PLPPR1: variants seen among roughly 807,000 people sequenced by gnomAD.
PLPPR1 encodes phospholipid phosphatase related 1.
Under a neutral mutation model 33.1 loss-of-function variants are expected in PLPPR1, and 10 were observed. That is an observed-to-expected ratio of 0.30 (90% CI 0.19 to 0.51). PLPPR1 has a LOEUF of 0.51. Ranked by LOEUF, PLPPR1 falls within the 20% of genes least tolerant of loss-of-function variation. PLPPR1 has a pLI of 0.97. For missense variants in PLPPR1, 304 were observed against 408.1 expected, an observed-to-expected ratio of 0.74 and a Z score of 2.20; for synonymous variants, 151 against 151.0, an observed-to-expected ratio of 1.00 and a Z score of 0.00.
intron 1 of PLPPR1, among the ~76,000 whole-genome samples, chr9:101,133,619 C>G (rs1199542374): frequency 6.6e-6 from 1 of 152,112 alleles, no homozygotes; most frequent in African/African-American, 2.4e-5. Context: ...TAGTGTATTG[C>G]CTGGCATCAA....
In PLPPR1 at chr9:101,097,477, T is replaced by A. The variant is rs1016343077; in HGVS notation, c.-46+68375T>A. Among the ~76,000 whole-genome samples the A allele has an allele frequency of 2.6e-5, 4 of 152,200 alleles. No individual in the cohort carries two copies. The South Asian group carries it at 8.3e-4, about 31-fold the overall frequency. On this transcript the variant is annotated intron_variant, in intron 1 of 7. Transcript: ENST00000374874. ...AGAATATAAGTGAACCTGTGTTACA[T>A]CTCAATACCTCTGTCAAACATGTGA... is the stretch of plus-strand genomic sequence containing the variant.
intron 2 of PLPPR1, among the ~76,000 whole-genome samples, chr9:101,221,715 A>G (rs1358897587): frequency 6.6e-6 from 1 of 152,224 alleles, no homozygotes; most frequent in African/African-American, 2.4e-5. Flanking sequence ...AGGAAGCAGT[A>G]CACAGGTTTG....
chr9:101,205,068 T>A (rs954891688), intron 2 of PLPPR1, among the ~76,000 whole-genome samples: 10 of 152,284 alleles, frequency 6.6e-5, no homozygotes, highest in African/African-American at 2.4e-4. Context: ...AATGGAGTCA[T>A]TACTGCTCAC....
At chr9:101,140,255 G>T (rs772089912) in intron 1 of PLPPR1, among the ~76,000 whole-genome samples, 5 of 152,134 alleles carry the variant, frequency 3.3e-5, no homozygotes, top group Non-Finnish European at 7.4e-5. Context: ...AAAATAAGGT[G>T]AATAAGTAGA....
At chr9:101,201,536 C>G (rs1826492244) in intron 2 of PLPPR1, among the ~76,000 whole-genome samples, 1 of 152,056 alleles carries the variant, frequency 6.6e-6, no homozygotes, top group Non-Finnish European at 1.5e-5. Context: ...AGGTTACTGA[C>G]CATCTCGGAC....
At chr9:101,313,039 G>T in intron 6 of PLPPR1, 65 bp downstream of exon 6, 1 of 1,473,262 alleles carries the variant, frequency 6.8e-7, no homozygotes, top group Non-Finnish European at 9.5e-7. Flanking sequence ...TGTGAGTCAG[G>T]TTTCCCAGAC....
rs186675428 is a variant in PLPPR1 at position 101,140,440 on chromosome 9, T to C, written c.-45-45010T>C. 8.7e-4 allele frequency among the ~76,000 whole-genome samples: 132 copies of C among 152,274 alleles called. 2 individuals carry two copies. The highest frequency in any genetic ancestry group is 8.5e-3 in the Admixed American group (130 of 15,276). On this transcript the variant is annotated intron_variant, in intron 1 of 7. Coordinates refer to ENST00000374874, the MANE Select transcript of PLPPR1 (RefSeq NM_207299.2). ...GAAATCGTTAGGGTGGAAATCGGTA[T>C]GCAAAATGTTCTTCATATCTTTACA...
At chr9:101,235,232 T>A (rs1827275827) in intron 2 of PLPPR1, among the ~76,000 whole-genome samples, 1 of 151,848 alleles carries the variant, frequency 6.6e-6, no homozygotes, top group South Asian at 2.1e-4. Flanking sequence ...CTTTCATGAT[T>A]GTTTGACTTT....
intron 3 of PLPPR1, among the ~76,000 whole-genome samples, chr9:101,277,138 AC>A (rs1828211534): frequency 6.6e-6 from 1 of 152,142 alleles, no homozygotes; most frequent in African/African-American, 2.4e-5. Flanking sequence ...TAAAACAAAA[AC>A]CATTTCTGCC....
chr9:101,172,937 T>G (rs2118693317), intron 1 of PLPPR1, among the ~76,000 whole-genome samples: 1 of 152,156 alleles, frequency 6.6e-6, no homozygotes, highest in Non-Finnish European at 1.5e-5. Flanking sequence ...CTCATTTATT[T>G]TTGTCTGTAT....
chr9:101,079,534 T>A (rs549165344), intron 1 of PLPPR1, among the ~76,000 whole-genome samples: 4 of 152,162 alleles, frequency 2.6e-5, no homozygotes, highest in Non-Finnish European at 5.9e-5. Context: ...ACTCACTATT[T>A]CCTTCACATC....
chr9:101,096,760 T>C (rs1258712138), intron 1 of PLPPR1, among the ~76,000 whole-genome samples: 2 of 152,084 alleles, frequency 1.3e-5, no homozygotes, highest in African/African-American at 4.8e-5. Context: ...GCCATCTAAG[T>C]GAATATGGTT....
intron 1 of PLPPR1, among the ~76,000 whole-genome samples, chr9:101,128,640 T>G (rs1309230610): frequency 6.6e-6 from 1 of 152,192 alleles, no homozygotes; most frequent in East Asian, 1.9e-4. Context: ...CTGAGTTATC[T>G]CTCCAAATAC....
chr9:101,209,535 T>A (rs1826651837), intron 2 of PLPPR1, among the ~76,000 whole-genome samples: 1 of 152,228 alleles, frequency 6.6e-6, no homozygotes, highest in South Asian at 2.1e-4. Context: ...TTCTTCCCTT[T>A]ATAAAGCCCC....
intron 2 of PLPPR1, among the ~76,000 whole-genome samples, chr9:101,232,432 G>A (rs1020067889): frequency 6.6e-5 from 10 of 151,514 alleles, no homozygotes; most frequent in Non-Finnish European, 1.3e-4. Context: ...TTCTGTTTGG[G>A]GAGCTTTTTT....
At chr9:101,243,260 C>T (rs1255753658) in intron 2 of PLPPR1, among the ~76,000 whole-genome samples, 1 of 151,764 alleles carries the variant, frequency 6.6e-6, no homozygotes, top group Non-Finnish European at 1.5e-5. Flanking sequence ...TTTTTATCCT[C>T]TAGAAAAAGG....
intron 2 of PLPPR1, among the ~76,000 whole-genome samples, chr9:101,233,894 A>G (rs999652649): frequency 3.9e-5 from 6 of 151,992 alleles, no homozygotes; most frequent in Non-Finnish European, 8.8e-5. Flanking sequence ...ACATGGTTTG[A>G]AAATAATTTT....
chr9:101,292,044 A>G (rs1828519890), intron 4 of PLPPR1, among the ~76,000 whole-genome samples: 1 of 152,214 alleles, frequency 6.6e-6, no homozygotes, highest in Non-Finnish European at 1.5e-5. Flanking sequence ...AAACTTTGAA[A>G]AAAATGTAGA....
At chr9:101,037,854 G>GT (rs34419550) in intron 1 of PLPPR1, among the ~76,000 whole-genome samples, 86,415 of 138,676 alleles carry the variant, frequency 0.62, 26,558 homozygotes, top group East Asian at 0.64. Flanking sequence ...TTTGGGTCTA[G>GT]TTTTTTTTTT....
Sources: gnomAD v4.1 joint callset for allele counts (sites outside exome capture counted in the v4.1 genomes callset) on GRCh38, gnomAD v4.1.1 for gene constraint, MANE v1.5 for transcripts, NCBI Gene and HGNC (gene_info 2026-07-23, HGNC 2026-07-21) for gene names.